Variants in TET2 observed in about 807,000 individuals in gnomAD.
TET2 encodes the protein methylcytosine dioxygenase TET2.
In TET2, 299 loss-of-function variants were observed where a neutral mutation model predicts 142.9. The ratio of observed to expected loss-of-function variants is 2.09; its 90% CI spans 1.90 to 2.30. The LOEUF is 2.30. Ranked by LOEUF, TET2 falls within the 30% of genes most tolerant of loss-of-function variation. TET2 has a pLI of 0.00. For synonymous variants in TET2, 819 were observed against 849.0 expected, an observed-to-expected ratio of 0.96 and a Z score of 0.61; for missense variants, 2,418 against 2,378.0, an observed-to-expected ratio of 1.02 and a Z score of -0.35.
Position 105,275,133 on chromosome 4 carries a change from G to GCT in TET2, c.4624_4625insTC (p.Gln1542LeufsTer30). 6.4e-7 allele frequency: 1 copy of GCT among 1,551,656 alleles called. No individual in the cohort carries two copies. The highest frequency in any genetic ancestry group is 8.7e-7 in the Non-Finnish European group (1 of 1,146,822). On this transcript the variant is annotated frameshift_variant, in exon 11 of 11. Coordinates refer to ENST00000380013, the MANE Select transcript of TET2 (RefSeq NM_001127208.3). LOFTEE classifies it low-confidence loss of function (END_TRUNC). The stretch of plus-strand genomic sequence containing the variant: ...AGCAGCCACCACAGCCCCAGCAGCA[G>GCT]CAGAGACCCCAGCAGCAGCAGCCAC...
intron 2 of TET2, among the ~76,000 whole-genome samples, chr4:105,225,084 C>CT (rs1728101606): frequency 6.6e-6 from 1 of 151,664 alleles, no homozygotes; most frequent in Admixed American, 6.6e-5. Context: ...GTTCTTATAA[C>CT]TTTAGCATTA....
At position 105,272,856 on chromosome 4, in the gene TET2, A is replaced by G; in HGVS notation, c.4475A>G (p.Glu1492Gly). The stretch of plus-strand genomic sequence containing the variant: ...AACAGCTCAAATAAAAATGAAAAGG[A>G]AAAGTCAGCCCCATCACGTACAAAA... ...LENSSNKNEK[E>G]KSAPSRTKQT... is the part of the protein sequence containing the mutation. The change falls in exon 10 of 11, where the codon GAA becomes GGA. Residue 1492 changes from glutamate to glycine, a missense_variant. Coordinates refer to ENST00000380013, the MANE Select transcript of TET2 (RefSeq NM_001127208.3). 5 of 1,551,164 alleles carry G rather than the reference A, an allele frequency of 3.2e-6. No homozygotes were observed. The highest frequency in any genetic ancestry group is 4.4e-6 in the Non-Finnish European group (5 of 1,146,868).
chr4:105,218,028 CAT>C (rs749312879), intron 2 of TET2, among the ~76,000 whole-genome samples: 14 of 152,152 alleles, frequency 9.2e-5, no homozygotes, highest in Non-Finnish European at 2.1e-4. Context: ...ATTAAACTCA[CAT>C]GAGATTGATG....
At chr4:105,186,411 ACT>A (rs1382048472) in intron 1 of TET2, among the ~76,000 whole-genome samples, 2 of 150,156 alleles carry the variant, frequency 1.3e-5, no homozygotes, top group Non-Finnish European at 1.5e-5. Context: ...TTTTTTTATA[ACT>A]CTCAATGTAT....
chr4:105,188,166 C>T (rs1313897903), intron 1 of TET2, among the ~76,000 whole-genome samples: 1 of 152,152 alleles, frequency 6.6e-6, no homozygotes, highest in South Asian at 2.1e-4. Flanking sequence ...TATAGACATA[C>T]AATGGACTAT....
At chr4:105,185,920 T>G (rs1258865867) in intron 1 of TET2, among the ~76,000 whole-genome samples, 1 of 152,072 alleles carries the variant, frequency 6.6e-6, no homozygotes, top group East Asian at 1.9e-4. Flanking sequence ...TGAAGTGTAT[T>G]TTATTCAATT....
At chr4:105,209,989 C>T (rs779483274) in intron 2 of TET2, among the ~76,000 whole-genome samples, 3 of 151,988 alleles carry the variant, frequency 2.0e-5, no homozygotes, top group Non-Finnish European at 2.9e-5. Flanking sequence ...AACATAGAAC[C>T]GATAGGTTAT....
At position 105,272,671 on chromosome 4, in the gene TET2, G is replaced by A. The variant is rs1254043921; in HGVS notation, c.4290G>A (p.Gly1430=). 4 of 1,551,762 alleles carry A rather than the reference G, an allele frequency of 2.6e-6. No homozygotes were observed. Among genetic ancestry groups the A allele is most frequent in the Admixed American group, 2.0e-5 (1 of 51,004 alleles). ...LYKVSDVDEF[G]SVEAQEEKKR... ...AAGTCTCTGACGTGGATGAGTTTGG[G>A]AGTGTGGAAGCTCAGGAGGAGAAAA... The change falls in exon 10 of 11, where the codon GGG becomes GGA. Residue 1430 remains glycine, a synonymous_variant. Coordinates refer to ENST00000380013, the MANE Select transcript of TET2 (RefSeq NM_001127208.3).
At chr4:105,156,050 A>G (rs1054886900) in intron 1 of TET2, among the ~76,000 whole-genome samples, 38 of 152,160 alleles carry the variant, frequency 2.5e-4, no homozygotes, top group African/African-American at 9.2e-4. Flanking sequence ...GTTTCTCTCA[A>G]AACTTTGTGA....
chr4:105,186,926 C>T (rs1306567847), intron 1 of TET2, among the ~76,000 whole-genome samples: 1 of 152,156 alleles, frequency 6.6e-6, no homozygotes, highest in Non-Finnish European at 1.5e-5. Flanking sequence ...TATATTCTAG[C>T]AAGAGACTAT....
intron 2 of TET2, among the ~76,000 whole-genome samples, chr4:105,202,699 G>T (rs1039989700): frequency 6.6e-6 from 1 of 152,174 alleles, no homozygotes; most frequent in Non-Finnish European, 1.5e-5. Flanking sequence ...AGTGGCCACA[G>T]TGAGCCCTCA....
intron 2 of TET2, among the ~76,000 whole-genome samples, chr4:105,233,519 G>C (rs1485891088): frequency 2.0e-5 from 3 of 152,058 alleles, no homozygotes. Flanking sequence ...CTTAGCAAGT[G>C]ATTAGGTAAA....
chr4:105,239,808 C>T (rs887722104), intron 3 of TET2: 1 of 229,740 alleles, frequency 4.4e-6, no homozygotes, highest in Non-Finnish European at 8.7e-6. Context: ...TTTTGACATG[C>T]CTTCCTCACT....
chr4:105,247,604 C>A (rs1468430184), intron 6 of TET2, among the ~76,000 whole-genome samples: 3 of 148,218 alleles, frequency 2.0e-5, no homozygotes, highest in African/African-American at 5.1e-5. Flanking sequence ...TAAAATTCCC[C>A]ACATTCTGGA....
In TET2 at chr4:105,167,134, ATC is replaced by A. The variant is rs1244191010; in HGVS notation, c.-193+20159_-193+20160del. 1.1e-4 allele frequency among the ~76,000 whole-genome samples: 16 copies of A among 151,808 alleles called. No individual in the cohort carries two copies. In the East Asian group the frequency reaches 1.2e-3, roughly 11 times the overall value. On this transcript the variant is annotated intron_variant, in intron 1 of 10. Coordinates refer to ENST00000380013, the MANE Select transcript of TET2 (RefSeq NM_001127208.3). Reference sequence around the variant, plus strand: ...TCCATCACATATTTTTCATCTGTTTATCTCTGTATATTTTATTTTCTCAACTT... The same window carrying A: ...TCCATCACATATTTTTCATCTGTTTATCTGTATATTTTATTTTCTCAACTT...
At chr4:105,206,965 C>G (rs1338662509) in intron 2 of TET2, among the ~76,000 whole-genome samples, 3 of 152,064 alleles carry the variant, frequency 2.0e-5, no homozygotes, top group Non-Finnish European at 4.4e-5. Context: ...AAAAATAAGC[C>G]AAGTCATATA....
chr4:105,198,076 C>T (rs1035604625), intron 2 of TET2, among the ~76,000 whole-genome samples: 3 of 152,112 alleles, frequency 2.0e-5, no homozygotes, highest in Non-Finnish European at 2.9e-5. Flanking sequence ...GTAGCTCACT[C>T]CTGTAATCCC....
Position 105,235,456 on chromosome 4 carries a change from C to T in TET2, c.1514C>T (p.Thr505Ile). The change falls in exon 3 of 11, where the codon ACA becomes ATA. Residue 505 changes from threonine to isoleucine, a missense_variant. Coordinates refer to ENST00000380013, the MANE Select transcript of TET2 (RefSeq NM_001127208.3). ...TMTVPLCSEK[T>I]RPMSEHLKHN... is the part of the protein sequence containing the mutation. ...ACTGTTCCATTGTGTTCTGAGAAAA[C>T]AAGACCAATGTCAGAACACCTCAAG... is the stretch of plus-strand genomic sequence containing the variant. The T allele has an allele frequency of 6.8e-6, 11 of 1,614,096 alleles. No individual in the cohort carries two copies. The highest frequency in any genetic ancestry group is 9.3e-6 in the Non-Finnish European group (11 of 1,180,004).
intron 8 of TET2, among the ~76,000 whole-genome samples, chr4:105,263,954 CTCTGGGATGGGTG>C (rs953975522): frequency 6.6e-6 from 1 of 152,020 alleles, no homozygotes; most frequent in Non-Finnish European, 1.5e-5. Context: ...AGGTATGGGG[CTCTGGGATGGGTG>C]CTCTGTCATT....
Sources: allele counts gnomAD v4.1 joint callset (sites outside exome capture counted in the v4.1 genomes callset), GRCh38; gene constraint gnomAD v4.1.1; transcripts MANE v1.5; gene names NCBI Gene and HGNC (gene_info 2026-07-23, HGNC 2026-07-21).